QKI: variants seen among roughly 807,000 people sequenced by gnomAD.
QKI encodes the protein QKI, KH domain containing RNA binding, also known as KH domain-containing RNA-binding protein QKI.
In QKI, 10 loss-of-function variants were observed where a neutral mutation model predicts 39.0. The ratio of observed to expected loss-of-function variants is 0.26; its 90% CI spans 0.16 to 0.43. The LOEUF (loss-of-function observed/expected upper bound fraction) is 0.43. Among genes scored for constraint, QKI ranks in the 20% least tolerant of loss-of-function variants. QKI has a pLI of 1.00. For synonymous variants in QKI, 204 were observed against 155.4 expected (o/e 1.31, Z -2.33); for missense variants, 218 against 428.0 (o/e 0.51, Z 4.33).
chr6:163,478,966 A>C, intron 3 of QKI, 70 bp downstream of exon 3: 1 of 1,316,050 alleles, frequency 7.6e-7, no homozygotes, highest in Non-Finnish European at 1.1e-6. Context: ...TAATAATAAA[A>C]TTTCCAGATT....
chr6:163,415,386 C>G (rs757016902), intron 1 of QKI, 51 bp downstream of exon 1: 1 of 1,534,776 alleles, frequency 6.5e-7, no homozygotes, highest in African/African-American at 1.4e-5. Context: ...CGGGGCGGCC[C>G]CTTTCCCCGC....
chr6:163,475,001 A>G (rs1792483615), intron 2 of QKI, among the ~76,000 whole-genome samples: 1 of 152,122 alleles, frequency 6.6e-6, no homozygotes, highest in Non-Finnish European at 1.5e-5. Context: ...CTATATTATA[A>G]TGTGATCTCA....
At chr6:163,539,490 G>GT in intron 4 of QKI, among the ~76,000 whole-genome samples, 1 of 152,066 alleles carries the variant, frequency 6.6e-6, no homozygotes, top group Non-Finnish European at 1.5e-5. Context: ...TGCAGTGATC[G>GT]TGTCTTCCAC....
intron 4 of QKI, among the ~76,000 whole-genome samples, chr6:163,547,150 T>G (rs1289852996): frequency 6.6e-6 from 1 of 152,128 alleles, no homozygotes; most frequent in Non-Finnish European, 1.5e-5. Context: ...TAAAAATACT[T>G]TGATTTTTTA....
At chr6:163,552,016 A>G (rs544967458) in intron 4 of QKI, among the ~76,000 whole-genome samples, 135 of 152,166 alleles carry the variant, frequency 8.9e-4, no homozygotes, top group Non-Finnish European at 1.6e-3. Context: ...GCTCCTAATA[A>G]CCTGCTGTTG....
intron 4 of QKI, among the ~76,000 whole-genome samples, chr6:163,556,948 T>C (rs77006560): frequency 0.022 from 3,408 of 152,298 alleles, 122 homozygotes; most frequent in African/African-American, 0.077. Flanking sequence ...AAGGGAAATA[T>C]TCATCTGCCC....
At chr6:163,432,369 C>T (rs1000554288) in intron 1 of QKI, among the ~76,000 whole-genome samples, 1 of 151,180 alleles carries the variant, frequency 6.6e-6, no homozygotes, top group African/African-American at 2.4e-5. Flanking sequence ...CCATGTTTTA[C>T]ACAATATAAA....
At chr6:163,504,871 C>A (rs1328879350) in intron 3 of QKI, among the ~76,000 whole-genome samples, 1 of 152,130 alleles carries the variant, frequency 6.6e-6, no homozygotes, top group Non-Finnish European at 1.5e-5. Flanking sequence ...GTGGGACTTG[C>A]TCCTCTTCTT....
chr6:163,505,671 A>G (rs113902697), intron 3 of QKI, among the ~76,000 whole-genome samples: 4 of 152,282 alleles, frequency 2.6e-5, no homozygotes, highest in Non-Finnish European at 4.4e-5. Context: ...CTGTACACCC[A>G]TTCTATCTTG....
chr6:163,478,772 T>C lies in QKI; in HGVS notation c.286-8T>C, dbSNP rs749091982. ...TAATGTATAGTGATCCTTTTTTTTTTTTCTCAGTTTAATTTTGTTGGGAGA... is the reference window on the plus strand; with the variant it reads ...TAATGTATAGTGATCCTTTTTTTTTCTTCTCAGTTTAATTTTGTTGGGAGA... On this transcript the variant is annotated splice_polypyrimidine_tract_variant and splice_region_variant and intron_variant, in intron 2 of 7. Transcript: ENST00000361752. The C allele has an allele frequency of 4.5e-6, 7 of 1,566,828 alleles. No homozygotes were observed. The highest frequency in any genetic ancestry group is 1.2e-5 in the South Asian group (1 of 85,918).
At chr6:163,423,474 A>G (rs1280639137) in intron 1 of QKI, 1 of 152,070 alleles carries the variant, frequency 6.6e-6, no homozygotes, top group Non-Finnish European at 1.5e-5. Flanking sequence ...AGAGCAAGAC[A>G]CTCACTTCTG....
intron 3 of QKI, among the ~76,000 whole-genome samples, chr6:163,509,386 C>T (rs1277716197): frequency 6.6e-6 from 1 of 152,060 alleles, no homozygotes; most frequent in Non-Finnish European, 1.5e-5. Context: ...TACCCTGATA[C>T]TGGTAAATAC....
intron 3 of QKI, among the ~76,000 whole-genome samples, chr6:163,491,145 A>G (rs936324504): frequency 1.3e-5 from 2 of 152,156 alleles, no homozygotes; most frequent in African/African-American, 4.8e-5. Context: ...TGCTTTTCAA[A>G]CTGTCTGTGG....
At chr6:163,506,171 C>G (rs73017335) in intron 3 of QKI, among the ~76,000 whole-genome samples, 6,855 of 149,696 alleles carry the variant, frequency 0.046, 176 homozygotes, top group Middle Eastern at 0.093. Context: ...GTCAATTAAA[C>G]TACTTTTGTT....
intron 3 of QKI, among the ~76,000 whole-genome samples, chr6:163,506,528 G>T (rs980448048): frequency 1.4e-4 from 22 of 152,106 alleles, no homozygotes; most frequent in Admixed American, 1.2e-3. Context: ...CCTGGTTTCT[G>T]GATTTTATTT....
At chr6:163,504,612 G>A (rs1410880580) in intron 3 of QKI, among the ~76,000 whole-genome samples, 1 of 152,092 alleles carries the variant, frequency 6.6e-6, no homozygotes, top group Non-Finnish European at 1.5e-5. Flanking sequence ...GGTTTTGAGG[G>A]TGTGAGTTTG....
intron 4 of QKI, among the ~76,000 whole-genome samples, chr6:163,550,538 A>T (rs1782162880): frequency 1.3e-5 from 2 of 152,176 alleles, no homozygotes; most frequent in Admixed American, 1.3e-4. Context: ...AACAGGGCAA[A>T]TCCAGAGTTG....
At position 163,577,125 on chromosome 6, in the gene QKI, G is replaced by T. The variant is rs867913490; in HGVS notation, c.*6415G>T. The T allele has an allele frequency of 2.6e-5, 4 of 152,026 alleles. No individual in the cohort carries two copies. The highest frequency in any genetic ancestry group is 9.7e-5 in the African/African-American group (4 of 41,382). 9.4% of individuals were successfully genotyped at this position (152,026 alleles called of 1,614,324 possible). ...ATTTCCAGTAGTGTGAAACCTTTAC[G>T]AGTCTTTAACATCTAAATGTTATGA... On this transcript the variant is annotated 3_prime_UTR_variant, in exon 8 of 8. Transcript: ENST00000361752.
chr6:163,460,604 A>G (rs929487407), intron 2 of QKI, among the ~76,000 whole-genome samples: 4 of 152,134 alleles, frequency 2.6e-5, no homozygotes, highest in African/African-American at 9.7e-5. Context: ...AGTTGGTGTC[A>G]AATTGGGTGT....
Sources: allele counts gnomAD v4.1 joint callset (sites outside exome capture counted in the v4.1 genomes callset), GRCh38; gene constraint gnomAD v4.1.1; transcripts MANE v1.5; gene names NCBI Gene and HGNC (gene_info 2026-07-23, HGNC 2026-07-21).